Variants in DNMT3A observed in about 807,000 individuals in gnomAD.
The protein encoded by DNMT3A is DNA (cytosine-5)-methyltransferase 3A.
In DNMT3A, 267 loss-of-function variants were observed where a neutral mutation model predicts 117.6. The observed-to-expected ratio is 2.27, with a 90% CI of 2.05 to 2.51. The LOEUF (loss-of-function observed/expected upper bound fraction) is 2.51, where lower values mean the gene tolerates loss of function less well. DNMT3A is among the 30% of genes most tolerant of loss of function. DNMT3A has a pLI of 0.00. For missense variants in DNMT3A, 1,029 were observed against 1,260.2 expected, an observed-to-expected ratio of 0.82 and a Z score of 2.78; for synonymous variants, 432 against 474.8, an observed-to-expected ratio of 0.91 and a Z score of 1.17.
chr2:25,310,231 C>T (rs1315104477), intron 2 of DNMT3A, among the ~76,000 whole-genome samples: 1 of 151,978 alleles, frequency 6.6e-6, no homozygotes, highest in Non-Finnish European at 1.5e-5. Flanking sequence ...TCTGAGGTGG[C>T]CCTTGGACTG....
Position 25,298,752 on chromosome 2 carries a change from C to T in DNMT3A, c.177+1387G>A, listed in dbSNP as rs2033242431. Among the ~76,000 whole-genome samples, 1 of 152,142 alleles carries T rather than the reference C, an allele frequency of 6.6e-6. No individual in the cohort carries two copies. Among genetic ancestry groups the T allele is most frequent in the African/African-American group, 2.4e-5 (1 of 41,412 alleles). On this transcript the variant is annotated intron_variant, in intron 3 of 22. Transcript: ENST00000321117. This position sits in a 1 kb window ranked among gnomAD's most constrained non-coding sequence, Gnocchi z 4.3. ...TTCAACATCACGTGAATTTTTCATTCCAGAATGAATTTCATTCATTACATA... is the reference window on the plus strand; with the variant it reads ...TTCAACATCACGTGAATTTTTCATTTCAGAATGAATTTCATTCATTACATA...
In DNMT3A at chr2:25,275,229, G is replaced by A. The variant is rs534759713; in HGVS notation, c.493-142C>T. 4.7e-6 allele frequency: 6 copies of A among 1,272,678 alleles called. No individual in the cohort carries two copies. In the South Asian group the frequency reaches 9.4e-5, roughly 20 times the overall value. The allele number at this position is 1,272,678 out of a possible 1,614,324, so 78.8% of individuals were successfully genotyped here. On this transcript the variant is annotated intron_variant, in intron 5 of 22. Transcript: ENST00000321117. The stretch of plus-strand genomic sequence containing the variant: ...GGAGTGCTGGGCAGGCCCCGTGTGG[G>A]CTGGAGGAGCGAGGGGCATGTGTGG...
At position 25,252,442 on chromosome 2, in the gene DNMT3A, C is replaced by T. The variant is rs1052943876; in HGVS notation, c.640-4190G>A. The T allele has an allele frequency of 4.1e-5, 17 of 411,762 alleles. No individual in the cohort carries two copies. The highest frequency in any genetic ancestry group is 6.9e-5 in the Non-Finnish European group (16 of 232,590). 25.5% of individuals were successfully genotyped at this position (411,762 alleles called of 1,614,324 possible). On this transcript the variant is annotated intron_variant, in intron 6 of 22. Transcript: ENST00000321117. This position sits in a 1 kb window ranked among gnomAD's most constrained non-coding sequence, Gnocchi z 5.5. ...GCGAGCGGCCCGGGGAGGGGGCCGG[C>T]GCTCCGACGCTGGCGCTGGGCCAGC...
chr2:25,300,302 A>G, intron 2 of DNMT3A, 59 bp from the exon 3 acceptor site: 1 of 1,567,334 alleles, frequency 6.4e-7, no homozygotes, highest in Non-Finnish European at 8.6e-7. Context: ...GTAGCATTCC[A>G]GGCCTGTCTG....
At chr2:25,242,263 T>A (rs1249747154) in intron 16 of DNMT3A, among the ~76,000 whole-genome samples, 1 of 151,786 alleles carries the variant, frequency 6.6e-6, no homozygotes, top group Non-Finnish European at 1.5e-5. Context: ...TTGCAAAGGC[T>A]CTTCCAGACA....
At chr2:25,313,660 G>A (rs2034243795) in intron 2 of DNMT3A, among the ~76,000 whole-genome samples, 1 of 152,216 alleles carries the variant, frequency 6.6e-6, no homozygotes, top group Admixed American at 6.5e-5. Flanking sequence ...CCTGGGCTTT[G>A]AGCCACTGTG....
intron 4 of DNMT3A, 150 bp from the exon 5 acceptor site, chr2:25,275,693 C>T (rs2031353092): frequency 2.4e-6 from 2 of 821,136 alleles, no homozygotes; most frequent in Non-Finnish European, 3.7e-6. Flanking sequence ...TATGATGGCC[C>T]ACCACATGCC....
chr2:25,284,645 T>TGAAAAAAAAAAAAAA (rs1287436463), intron 3 of DNMT3A, among the ~76,000 whole-genome samples: 1 of 16,632 alleles, frequency 6.0e-5, no homozygotes. Flanking sequence ...AGACTCCATC[T>TGAAAAAAAAAAAAAA]AAAAAAAAAA....
At chr2:25,309,305 T>C (rs1217120408) in intron 2 of DNMT3A, among the ~76,000 whole-genome samples, 1 of 152,176 alleles carries the variant, frequency 6.6e-6, no homozygotes, top group East Asian at 1.9e-4. Flanking sequence ...AGGAGCTGTA[T>C]GTCCAGGGAG....
chr2:25,275,410 G>GCCCCCCCCCCCCCCCCCCA, intron 5 of DNMT3A, 90 bp downstream of exon 5: 1 of 1,451,162 alleles, frequency 6.9e-7, no homozygotes, highest in Non-Finnish European at 9.4e-7. Context: ...AGGAGGAGGG[G>GCCCCCCCCCCCCCCCCCCA]CCCACCCTCC....
At chr2:25,297,636 G>A (rs773140401) in intron 3 of DNMT3A, among the ~76,000 whole-genome samples, 2 of 150,612 alleles carry the variant, frequency 1.3e-5, no homozygotes, top group African/African-American at 2.5e-5. Flanking sequence ...TCAGCCTCCC[G>A]AGTAACTGGG....
chr2:25,238,825 G>A (rs983092257), intron 20 of DNMT3A, among the ~76,000 whole-genome samples: 17 of 152,134 alleles, frequency 1.1e-4, no homozygotes, highest in Admixed American at 5.9e-4. Context: ...CAGAGGGCTC[G>A]GGACACATCA....
At chr2:25,242,539 T>C (rs1430050764) in intron 16 of DNMT3A, among the ~76,000 whole-genome samples, 1 of 152,106 alleles carries the variant, frequency 6.6e-6, no homozygotes, top group African/African-American at 2.4e-5. Flanking sequence ...AAGCTGTAAA[T>C]GAACTTCTCT....
At chr2:25,276,863 G>A (rs1156447475) in intron 4 of DNMT3A, among the ~76,000 whole-genome samples, 1 of 152,256 alleles carries the variant, frequency 6.6e-6, no homozygotes, top group Non-Finnish European at 1.5e-5. Context: ...TTCATCTCCT[G>A]GCTGTGAAGC....
intron 3 of DNMT3A, among the ~76,000 whole-genome samples, chr2:25,290,805 TG>T (rs1228358304): frequency 3.6e-5 from 3 of 84,468 alleles, no homozygotes; most frequent in Non-Finnish European, 4.9e-5. Flanking sequence ...CCTGTGGGGG[TG>T]GGGGGTGGGT....
intron 13 of DNMT3A, among the ~76,000 whole-genome samples, chr2:25,244,897 C>T (rs1044521690): frequency 4.6e-5 from 7 of 152,222 alleles, no homozygotes; most frequent in African/African-American, 1.4e-4. Context: ...TGCACCACCA[C>T]CTTGGGCCTT....
At position 25,296,874 on chromosome 2, in the gene DNMT3A, C is replaced by A. The variant is rs139347712; in HGVS notation, c.177+3265G>T. Among the ~76,000 whole-genome samples, 1 of 152,160 alleles carries A rather than the reference C, an allele frequency of 6.6e-6. No individual in the cohort carries two copies. The highest frequency in any genetic ancestry group is 2.4e-5 in the African/African-American group (1 of 41,424). On this transcript the variant is annotated intron_variant, in intron 3 of 22. Transcript: ENST00000321117. The surrounding 1 kb of genome is among the most constrained non-coding windows in gnomAD (Gnocchi z 4.2). ...GTATATCTGGACCCTCCCTGTCCAG[C>A]GCTGGCTGTGGAAGCTCACAGCCTC... is the stretch of plus-strand genomic sequence containing the variant.
rs2149443858 is a variant in DNMT3A at position 25,327,867 on chromosome 2, C to A, written c.-177-13706G>T. On this transcript the variant is annotated intron_variant, in intron 1 of 22. Coordinates refer to ENST00000321117, the MANE Select transcript of DNMT3A (RefSeq NM_022552.5). This position sits in a 1 kb window ranked among gnomAD's most constrained non-coding sequence, Gnocchi z 4.1. ...CCCTTCAGCTGCCTAAGTCCCAAAC[C>A]CTGGAGAAAACTCAGGTCCCACCTT... Among the ~76,000 whole-genome samples the A allele has an allele frequency of 6.6e-6, 1 of 152,156 alleles. No homozygotes were observed. The highest frequency in any genetic ancestry group is 1.9e-4 in the East Asian group (1 of 5,202).
At position 25,337,148 on chromosome 2, in the gene DNMT3A, G is replaced by A. The variant is rs115952611; in HGVS notation, c.-178+4678C>T. Among the ~76,000 whole-genome samples the A allele has an allele frequency of 9.7e-3, 1,479 of 152,276 alleles. 24 individuals carry two copies. The highest frequency in any genetic ancestry group is 0.034 in the African/African-American group (1,400 of 41,538). The stretch of plus-strand genomic sequence containing the variant: ...TAACGAGCTGAAACTACAGCGGGAG[G>A]GATTTCAGGTGGAAGCAAAACAACC... On this transcript the variant is annotated intron_variant, in intron 1 of 22. Transcript: ENST00000321117. The surrounding 1 kb of genome is among the most constrained non-coding windows in gnomAD (Gnocchi z 5.0).
Sources: allele counts gnomAD v4.1 joint callset (sites outside exome capture counted in the v4.1 genomes callset), GRCh38; gene constraint gnomAD v4.1.1; non-coding constraint Gnocchi (gnomAD v3.1); transcripts MANE v1.5; gene names NCBI Gene and HGNC (gene_info 2026-07-23, HGNC 2026-07-21).